The following MGAT4C variants were observed in gnomAD, a reference collection of about 807,000 sequenced individuals.
The protein encoded by MGAT4C is alpha-1,3-mannosyl-glycoprotein 4-beta-N-acetylglucosaminyltransferase C.
In MGAT4C, 19 loss-of-function variants were observed where a neutral mutation model predicts 40.1. The observed-to-expected ratio is 0.47, with a 90% confidence interval of 0.33 to 0.70. MGAT4C has a LOEUF of 0.70. Among genes scored for constraint, MGAT4C ranks in the 30% least tolerant of loss-of-function variants. The probability of loss-of-function intolerance (pLI) is 0.02; values close to 1 mark genes in which losing one functional copy is unlikely to be tolerated. For missense variants in MGAT4C, 491 were observed against 563.2 expected (o/e 0.87, Z 1.30); for synonymous variants, 181 against 187.1 (o/e 0.97, Z 0.27).
At chr12:86,243,430 G>A (rs993386238) in intron 1 of MGAT4C, among the ~76,000 whole-genome samples, 1 of 152,172 alleles carries the variant, frequency 6.6e-6, no homozygotes, top group Non-Finnish European at 1.5e-5. Context: ...CCCTCCCCTT[G>A]AGTGTGGGCA....
chr12:86,401,637 T>C (rs963658722), intron 3 of MGAT4C, among the ~76,000 whole-genome samples: 3 of 152,186 alleles, frequency 2.0e-5, no homozygotes, highest in African/African-American at 4.8e-5. Flanking sequence ...TTGGTTCTGA[T>C]TGATGAGACA....
At chr12:86,421,262 G>A (rs1404676526) in intron 3 of MGAT4C, among the ~76,000 whole-genome samples, 1 of 152,064 alleles carries the variant, frequency 6.6e-6, no homozygotes, top group African/African-American at 2.4e-5. Flanking sequence ...CTATACCTAT[G>A]GTTCGGATAA....
intron 2 of MGAT4C, among the ~76,000 whole-genome samples, chr12:86,510,424 T>G (rs576331094): frequency 6.6e-6 from 1 of 152,254 alleles, no homozygotes; most frequent in African/African-American, 2.4e-5. Context: ...AGGAAGAAAC[T>G]GCATCAACTA....
intron 3 of MGAT4C, among the ~76,000 whole-genome samples, chr12:86,342,137 C>T (rs2136184425): frequency 6.6e-6 from 1 of 152,040 alleles, no homozygotes; most frequent in South Asian, 2.1e-4. Flanking sequence ...CTCCCTGAAA[C>T]AAAGCTCCCA....
intron 1 of MGAT4C, among the ~76,000 whole-genome samples, chr12:86,173,166 T>C (rs1369822727): frequency 1.3e-5 from 2 of 152,146 alleles, no homozygotes; most frequent in Non-Finnish European, 2.9e-5. Context: ...CTGGGATTCA[T>C]ATATTTCTTA....
intron 2 of MGAT4C, among the ~76,000 whole-genome samples, chr12:86,458,819 A>G (rs181537172): frequency 1.3e-5 from 2 of 152,166 alleles, no homozygotes; most frequent in South Asian, 2.1e-4. Context: ...AATGTATACT[A>G]TACTTTTAGG....
At chr12:86,452,009 C>A (rs1957431056) in intron 2 of MGAT4C, among the ~76,000 whole-genome samples, 1 of 151,976 alleles carries the variant, frequency 6.6e-6, no homozygotes, top group African/African-American at 2.4e-5. Context: ...GGTTTTCAAT[C>A]ATTCGACCCC....
chr12:86,469,634 T>A (rs760541056), intron 2 of MGAT4C, among the ~76,000 whole-genome samples: 3 of 152,104 alleles, frequency 2.0e-5, no homozygotes, highest in Non-Finnish European at 2.9e-5. Flanking sequence ...CCCCTGAAAG[T>A]AATGGCAAAA....
At chr12:85,990,480 T>C (rs1565823397) in intron 2 of MGAT4C, among the ~76,000 whole-genome samples, 3 of 152,158 alleles carry the variant, frequency 2.0e-5, no homozygotes. Flanking sequence ...TTTATCTTTA[T>C]GATGAAGTAT....
intron 2 of MGAT4C, among the ~76,000 whole-genome samples, chr12:86,031,879 G>A (rs569188714): frequency 4.6e-4 from 70 of 151,902 alleles, no homozygotes; most frequent in African/African-American, 1.7e-3. Flanking sequence ...AATACGCATA[G>A]TACCTGATAG....
chr12:86,601,654 T>G (rs1241931511), intron 2 of MGAT4C, among the ~76,000 whole-genome samples: 1 of 152,192 alleles, frequency 6.6e-6, no homozygotes, highest in African/African-American at 2.4e-5. Flanking sequence ...ATTTCCCTGC[T>G]GGCTCACTGA....
chr12:86,387,682 T>G (rs10776969), intron 3 of MGAT4C, among the ~76,000 whole-genome samples: 99,611 of 151,822 alleles, frequency 0.66, 33,389 homozygotes, highest in South Asian at 0.77. Flanking sequence ...AGTTAATGGA[T>G]TCAATAACAA....
intron 1 of MGAT4C, among the ~76,000 whole-genome samples, chr12:86,205,551 A>G (rs888354485): frequency 4.6e-5 from 7 of 151,764 alleles, no homozygotes; most frequent in African/African-American, 1.7e-4. Flanking sequence ...ACCAGAAATT[A>G]GATATTCATA....
At chr12:86,585,953 A>T (rs12826202) in intron 2 of MGAT4C, among the ~76,000 whole-genome samples, 128,009 of 150,416 alleles carry the variant, frequency 0.85, 54,964 homozygotes, top group East Asian at 0.96. Context: ...CCCTTTTTTT[A>T]ATTATTATTA....
rs113465377 is a variant in MGAT4C, at chr12:86,398,220, G to T, written c.-120+36937C>A. On this transcript the variant is annotated intron_variant, in intron 3 of 7. Coordinates refer to the MGAT4C transcript ENST00000548651. Reference sequence around the variant, plus strand: ...CAGAATGAATGTTTTAGCAGAGGCTGTAGGGAAGAATCAATTCCATGCTTC... The same window carrying T: ...CAGAATGAATGTTTTAGCAGAGGCTTTAGGGAAGAATCAATTCCATGCTTC... Among the ~76,000 whole-genome samples the T allele has an allele frequency of 5.9e-3, 901 of 152,286 alleles. 7 individuals carry two copies. Among genetic ancestry groups the T allele is most frequent in the African/African-American group, 0.021 (857 of 41,564 alleles).
intron 1 of MGAT4C, among the ~76,000 whole-genome samples, chr12:86,109,074 C>A (rs1876731933): frequency 6.6e-6 from 1 of 152,118 alleles, no homozygotes; most frequent in Admixed American, 6.6e-5. Flanking sequence ...GTCAGTAAAT[C>A]TACAACATGG....
intron 1 of MGAT4C, among the ~76,000 whole-genome samples, chr12:86,745,473 G>A (rs1951138456): frequency 6.6e-6 from 1 of 151,546 alleles, no homozygotes; most frequent in Admixed American, 6.6e-5. Context: ...TCTTATTCTG[G>A]AGTCCAACTT....
At chr12:86,718,784 T>C (rs879310409) in intron 2 of MGAT4C, among the ~76,000 whole-genome samples, 1 of 152,142 alleles carries the variant, frequency 6.6e-6, no homozygotes, top group Non-Finnish European at 1.5e-5. Flanking sequence ...CTAGGCTGCA[T>C]GCTCCTTATG....
chr12:86,576,481 C>T (rs535543453), intron 2 of MGAT4C, among the ~76,000 whole-genome samples: 1 of 151,800 alleles, frequency 6.6e-6, no homozygotes, highest in African/African-American at 2.4e-5. Flanking sequence ...AGCCTTTAAT[C>T]CACTTTAATT....
Sources: allele counts gnomAD v4.1 joint callset (sites outside exome capture counted in the v4.1 genomes callset), GRCh38; gene constraint gnomAD v4.1.1; transcripts MANE v1.5; gene names NCBI Gene and HGNC (gene_info 2026-07-23, HGNC 2026-07-21).